Variants in COL13A1 observed in about 807,000 individuals in gnomAD.
The protein encoded by COL13A1 is collagen type XIII alpha 1 chain, also known as collagen alpha-1(XIII) chain.
In COL13A1, 89 loss-of-function variants were observed where a neutral mutation model predicts 130.9. That is an observed-to-expected ratio of 0.68 (90% CI 0.57 to 0.81). The LOEUF is 0.81. COL13A1 is among the 30% of genes least tolerant of loss of function. The pLI is 0.00. For synonymous variants in COL13A1, 402 were observed against 341.6 expected (o/e 1.18, Z -1.95); for missense variants, 879 against 934.6 (o/e 0.94, Z 0.78).
rs147214892 is a variant in COL13A1 at position 69,871,393 on chromosome 10, A to G, written c.373-791A>G. On this transcript the variant is annotated intron_variant, in intron 3 of 40. Transcript: ENST00000645393. Reference sequence around the variant, plus strand: ...AGGAAAGTCCCTACCTCAGGAGCTCACATTTTAGTGCTATGGGGCAAAACC... The same window carrying G: ...AGGAAAGTCCCTACCTCAGGAGCTCGCATTTTAGTGCTATGGGGCAAAACC... 7.9e-5 allele frequency among the ~76,000 whole-genome samples: 12 copies of G among 152,250 alleles called. No homozygotes were observed. The East Asian group carries it at 2.3e-3, about 29-fold the overall frequency.
At position 69,802,449 on chromosome 10, in the gene COL13A1, C is replaced by T. The variant is rs2131976723; in HGVS notation, c.26C>T (p.Ala9Val). The T allele has an allele frequency of 6.7e-7, 1 of 1,503,222 alleles. No homozygotes were observed. The highest frequency in any genetic ancestry group is 8.8e-7 in the Non-Finnish European group (1 of 1,131,582). 93.1% of individuals were successfully genotyped at this position (1,503,222 alleles called of 1,614,324 possible). A position where few individuals can be genotyped will look rare whatever the true frequency, so the allele number is the denominator to read the frequency against. Residue 9 changes from alanine (A) to valine (V), a missense_variant, in exon 1 of 41, where the codon GCG becomes GTG. Coordinates refer to ENST00000645393, the MANE Select transcript of COL13A1 (RefSeq NM_001368882.1). ...ATGGTAGCGGAGCGCACCCACAAAG[C>T]GGCAGCCACCGGTGCCCGCGGCCCT... Reference protein sequence around the residue: MVAERTHKAAATGARGPGE... With the variant: MVAERTHKVAATGARGPGE...
intron 27 of COL13A1, among the ~76,000 whole-genome samples, chr10:69,927,487 T>A (rs1013227889): frequency 1.3e-5 from 2 of 151,592 alleles, no homozygotes; most frequent in African/African-American, 2.4e-5. Flanking sequence ...AATTAAATCC[T>A]GAAAAACTAG....
At chr10:69,954,642 G>A (rs568198775) in intron 39 of COL13A1, among the ~76,000 whole-genome samples, 20 of 152,312 alleles carry the variant, frequency 1.3e-4, no homozygotes, top group Admixed American at 1.3e-4. Flanking sequence ...AGGTTGGATC[G>A]TGGGTCGCTG....
chr10:69,857,183 C>G (rs771046668), intron 2 of COL13A1, among the ~76,000 whole-genome samples: 6 of 152,190 alleles, frequency 3.9e-5, no homozygotes, highest in Non-Finnish European at 5.9e-5. Context: ...TCAGGACTTA[C>G]GATTCTGACC....
At chr10:69,950,797 A>G (rs1213230709) in intron 38 of COL13A1, among the ~76,000 whole-genome samples, 2 of 152,238 alleles carry the variant, frequency 1.3e-5, no homozygotes, top group East Asian at 3.8e-4. Context: ...TCTGAAATAG[A>G]GAAATTTGAG....
intron 21 of COL13A1, 92 bp from the exon 22 acceptor site, chr10:69,921,790 G>A (rs2064711190): frequency 6.6e-7 from 1 of 1,509,216 alleles, no homozygotes; most frequent in South Asian, 1.2e-5. Flanking sequence ...AGGAGCAAGG[G>A]AAGGCAAGGC....
chr10:69,832,797 C>G (rs1242612171), intron 2 of COL13A1, among the ~76,000 whole-genome samples: 1 of 152,208 alleles, frequency 6.6e-6, no homozygotes, highest in African/African-American at 2.4e-5. Context: ...CCATGCGGAG[C>G]AGGAGCTTCT....
At chr10:69,905,411 G>A (rs1311440261) in intron 16 of COL13A1, among the ~76,000 whole-genome samples, 1 of 152,138 alleles carries the variant, frequency 6.6e-6, no homozygotes, top group African/African-American at 2.4e-5. Flanking sequence ...GGGGCTCTGG[G>A]GACAAGAAGA....
At position 69,874,059 on chromosome 10, in the gene COL13A1, T is replaced by TC. The variant is rs146544177; in HGVS notation, c.400-1068dup. Among the ~76,000 whole-genome samples, 267 of 152,174 alleles carry TC rather than the reference T, an allele frequency of 1.8e-3. 3 individuals carry two copies. Among genetic ancestry groups the TC allele is most frequent in the African/African-American group, 6.4e-3 (264 of 41,492 alleles). On this transcript the variant is annotated intron_variant, in intron 4 of 40. Transcript: ENST00000645393. Reference sequence around the variant, plus strand: ...ATGCTCAGAAAGGTTAAGGGAAGAGTCAGTGCTTCTAATCTGCACAGCTAC... The same window carrying TC: ...ATGCTCAGAAAGGTTAAGGGAAGAGTCCAGTGCTTCTAATCTGCACAGCTAC...
At chr10:69,827,033 G>A (rs548124219) in intron 2 of COL13A1, among the ~76,000 whole-genome samples, 6 of 152,322 alleles carry the variant, frequency 3.9e-5, no homozygotes, top group Middle Eastern at 3.4e-3. Context: ...CATGGGTGGC[G>A]ATATGCCCAG....
intron 14 of COL13A1, among the ~76,000 whole-genome samples, chr10:69,902,134 A>G (rs976023997): frequency 1.3e-5 from 2 of 152,222 alleles, no homozygotes; most frequent in African/African-American, 4.8e-5. Context: ...CAGCTCAGCC[A>G]GGGTTCCCAG....
intron 2 of COL13A1, among the ~76,000 whole-genome samples, chr10:69,865,710 G>GT (rs2058451322): frequency 2.0e-5 from 3 of 152,194 alleles, no homozygotes. Flanking sequence ...TAAGACAAAG[G>GT]TGCCTGTAAA....
At chr10:69,872,660 AATTC>A (rs904353504) in intron 4 of COL13A1, among the ~76,000 whole-genome samples, 14 of 152,208 alleles carry the variant, frequency 9.2e-5, no homozygotes, top group African/African-American at 3.4e-4. Flanking sequence ...ACCACGTCCC[AATTC>A]TAGAGAGGCT....
intron 2 of COL13A1, among the ~76,000 whole-genome samples, chr10:69,843,953 C>T (rs1365935074): frequency 6.6e-6 from 1 of 152,132 alleles, no homozygotes; most frequent in Non-Finnish European, 1.5e-5. Flanking sequence ...GGGCAGGTGC[C>T]GTGGTAGGTT....
chr10:69,846,432 C>T (rs1011748284), intron 2 of COL13A1, among the ~76,000 whole-genome samples: 8 of 152,230 alleles, frequency 5.3e-5, no homozygotes, highest in Non-Finnish European at 1.0e-4. Flanking sequence ...GCCAGCACTG[C>T]GACAGACGGC....
chr10:69,825,607 C>T (rs1407124171), intron 2 of COL13A1, among the ~76,000 whole-genome samples: 1 of 152,170 alleles, frequency 6.6e-6, no homozygotes, highest in Non-Finnish European at 1.5e-5. Flanking sequence ...AAAACAAACA[C>T]ACTCTTCCTG....
intron 7 of COL13A1, among the ~76,000 whole-genome samples, chr10:69,887,076 G>C (rs2060662347): frequency 6.6e-6 from 1 of 152,196 alleles, no homozygotes; most frequent in South Asian, 2.1e-4. Context: ...AAATAAAAAA[G>C]GGCTTAGAGG....
chr10:69,894,657 A>T lies in COL13A1; in HGVS notation c.631-18A>T, dbSNP rs544194708. ...CTTAGCTTTGGTTTCTAACTCTCTC[A>T]TCTCCGTCTCTTTGTAGGGACCCCA... On this transcript the variant is annotated intron_variant, in intron 11 of 40. Transcript: ENST00000645393. 6.2e-7 allele frequency: 1 copy of T among 1,613,944 alleles called. No homozygotes were observed. Among genetic ancestry groups the T allele is most frequent in the South Asian group, 1.1e-5 (1 of 91,078 alleles).
At chr10:69,846,851 G>C (rs879728592) in intron 2 of COL13A1, among the ~76,000 whole-genome samples, 1 of 152,198 alleles carries the variant, frequency 6.6e-6, no homozygotes, top group Non-Finnish European at 1.5e-5. Flanking sequence ...GCAGACACGT[G>C]GGGCAGGAGC....
Sources: gnomAD v4.1 joint callset for allele counts (sites outside exome capture counted in the v4.1 genomes callset) on GRCh38, gnomAD v4.1.1 for gene constraint, MANE v1.5 for transcripts, NCBI Gene and HGNC (gene_info 2026-07-23, HGNC 2026-07-21) for gene names.